GRIP1: variants seen among roughly 807,000 people sequenced by gnomAD.
The protein encoded by GRIP1 is glutamate receptor-interacting protein 1.
Under a neutral mutation model 129.9 loss-of-function variants are expected in GRIP1, and 45 were observed. That is an observed-to-expected ratio of 0.35 (90% CI 0.27 to 0.44). The LOEUF is 0.44. GRIP1 is among the 20% of genes least tolerant of loss of function. GRIP1 has a pLI of 1.00. For missense variants in GRIP1, 1,196 were observed against 1,396.8 expected, an observed-to-expected ratio of 0.86 and a Z score of 2.29; for synonymous variants, 530 against 520.8, an observed-to-expected ratio of 1.02 and a Z score of -0.24.
chr12:66,530,361 T>C (rs1267219047), intron 4 of GRIP1, among the ~76,000 whole-genome samples: 3 of 152,216 alleles, frequency 2.0e-5, no homozygotes, highest in Non-Finnish European at 4.4e-5. Context: ...CATTCTCAGA[T>C]TGCTATCAAC....
At chr12:66,405,784 T>C (rs1355285447) in intron 16 of GRIP1, among the ~76,000 whole-genome samples, 1 of 152,140 alleles carries the variant, frequency 6.6e-6, no homozygotes, top group Non-Finnish European at 1.5e-5. Context: ...AAGATGTCTA[T>C]AAGAGTACTA....
chr12:66,875,638 T>A (rs1820466585), intron 1 of GRIP1, among the ~76,000 whole-genome samples: 1 of 152,088 alleles, frequency 6.6e-6, no homozygotes, highest in Non-Finnish European at 1.5e-5. Context: ...TGAAAGGTGG[T>A]AGAAGACTTC....
intron 7 of GRIP1, among the ~76,000 whole-genome samples, chr12:66,502,635 G>A (rs1304072164): frequency 6.6e-6 from 1 of 152,084 alleles, no homozygotes; most frequent in African/African-American, 2.4e-5. Context: ...TTAAAATTGT[G>A]TGGTACCCTC....
At chr12:66,372,402 AG>A (rs1289427833) in intron 22 of GRIP1, 15 of 235,750 alleles carry the variant, frequency 6.4e-5, no homozygotes, top group African/African-American at 3.4e-4. Flanking sequence ...TGGGCTGGAA[AG>A]GGATGACTGA....
At chr12:67,033,840 A>G (rs1296115941) in intron 1 of GRIP1, among the ~76,000 whole-genome samples, 1 of 152,206 alleles carries the variant, frequency 6.6e-6, no homozygotes, top group Non-Finnish European at 1.5e-5. Flanking sequence ...ATATGTAAAA[A>G]TATCAGGCAC....
chr12:66,759,016 ACAG>A (rs1353891099), intron 1 of GRIP1, among the ~76,000 whole-genome samples: 2 of 152,204 alleles, frequency 1.3e-5, no homozygotes, highest in South Asian at 2.1e-4. Flanking sequence ...CCCTCTTCTC[ACAG>A]CTCTGCCCCC....
chr12:66,464,651 G>A (rs1479499870), intron 8 of GRIP1, among the ~76,000 whole-genome samples: 2 of 152,126 alleles, frequency 1.3e-5, no homozygotes, highest in African/African-American at 4.8e-5. Context: ...GACACAGTAA[G>A]AAAACTTGCT....
intron 1 of GRIP1, among the ~76,000 whole-genome samples, chr12:66,953,122 G>A (rs927413736): frequency 1.5e-4 from 23 of 152,302 alleles, no homozygotes; most frequent in African/African-American, 5.1e-4. Flanking sequence ...AATGGAGAAT[G>A]CCTTTTCATT....
At chr12:66,782,313 C>A (rs2038187709) in intron 1 of GRIP1, among the ~76,000 whole-genome samples, 1 of 152,058 alleles carries the variant, frequency 6.6e-6, no homozygotes, top group Non-Finnish European at 1.5e-5. Flanking sequence ...AGAAAGCTAT[C>A]TTAAAGAAAG....
Position 66,349,071 on chromosome 12 carries a change from T to C in GRIP1, c.3335A>G (p.Gln1112Arg). The C allele has an allele frequency of 6.2e-7, 1 of 1,614,164 alleles. No homozygotes were observed. The highest frequency in any genetic ancestry group is 8.5e-7 in the Non-Finnish European group (1 of 1,179,976). Residue 1112 changes from glutamine to arginine, a missense_variant, in exon 25 of 25, where the codon CAG becomes CGG. By Grantham distance (43) the Gln-to-Arg change is conservative. Coordinates refer to ENST00000359742, the MANE Select transcript of GRIP1 (RefSeq NM_001366722.1). ...CTCCAAATTACCACCGTGGCTAGGC[T>C]GCTGGAAAAAAGCACTGTTCTGTTC... ...WSEQNSAFFQ[Q>R]PSHGGNLETR...
chr12:67,024,847 T>C (rs1360743463), intron 1 of GRIP1, among the ~76,000 whole-genome samples: 1 of 152,216 alleles, frequency 6.6e-6, no homozygotes, highest in Non-Finnish European at 1.5e-5. Flanking sequence ...TAATTATTCC[T>C]AGTCAGTAAT....
At chr12:66,829,096 A>G (rs2039470370) in intron 1 of GRIP1, among the ~76,000 whole-genome samples, 1 of 152,210 alleles carries the variant, frequency 6.6e-6, no homozygotes, top group African/African-American at 2.4e-5. Flanking sequence ...GACTATTACC[A>G]TATATGGCAG....
chr12:66,477,377 G>A (rs929150955), intron 7 of GRIP1, among the ~76,000 whole-genome samples: 2 of 151,878 alleles, frequency 1.3e-5, no homozygotes, highest in African/African-American at 4.8e-5. Flanking sequence ...TGAAATAAAA[G>A]AGGATACAAA....
chr12:67,028,681 C>T (rs1251526101), intron 1 of GRIP1, among the ~76,000 whole-genome samples: 1 of 152,048 alleles, frequency 6.6e-6, no homozygotes, highest in Non-Finnish European at 1.5e-5. Context: ...CTATGTTTTT[C>T]GTGGCAATGA....
At chr12:66,911,942 C>T (rs1242650570) in intron 1 of GRIP1, among the ~76,000 whole-genome samples, 6 of 152,134 alleles carry the variant, frequency 3.9e-5, no homozygotes, top group Non-Finnish European at 5.9e-5. Context: ...CTGGTTTTCG[C>T]TGAATAAACC....
At chr12:66,888,325 T>A (rs1335249845) in intron 1 of GRIP1, among the ~76,000 whole-genome samples, 1 of 152,010 alleles carries the variant, frequency 6.6e-6, no homozygotes, top group Non-Finnish European at 1.5e-5. Flanking sequence ...CCTCCCAAAG[T>A]GCTAGGATTA....
intron 1 of GRIP1, among the ~76,000 whole-genome samples, chr12:67,054,501 C>G (rs2043400412): frequency 6.6e-6 from 1 of 152,078 alleles, no homozygotes; most frequent in African/African-American, 2.4e-5. Flanking sequence ...CAGTGGCTCA[C>G]ACCTGTAATC....
intron 14 of GRIP1, among the ~76,000 whole-genome samples, chr12:66,425,754 T>C (rs988130706): frequency 6.7e-6 from 1 of 149,166 alleles, no homozygotes; most frequent in Non-Finnish European, 1.5e-5. Context: ...TTCTCACTCA[T>C]AGGTGGGAAC....
chr12:66,379,894 A>G (rs2137386143), intron 19 of GRIP1, among the ~76,000 whole-genome samples: 1 of 152,076 alleles, frequency 6.6e-6, no homozygotes, highest in African/African-American at 2.4e-5. Context: ...CAAAAGACAT[A>G]TTTCTCATCC....
Sources: gnomAD v4.1 joint callset for allele counts (sites outside exome capture counted in the v4.1 genomes callset) on GRCh38, gnomAD v4.1.1 for gene constraint, MANE v1.5 for transcripts, NCBI Gene and HGNC (gene_info 2026-07-23, HGNC 2026-07-21) for gene names.